The following ITGAM variants were observed in gnomAD, a reference collection of about 807,000 sequenced individuals.
ITGAM encodes the protein integrin alpha-M.
A neutral mutation model predicts 137.5 loss-of-function variants in ITGAM; 79 were observed. The ratio of observed to expected loss-of-function variants is 0.57; its 90% CI spans 0.48 to 0.69. The LOEUF (loss-of-function observed/expected upper bound fraction) is 0.69, where lower values mean the gene tolerates loss of function less well. Ranked by LOEUF, ITGAM falls within the 30% of genes least tolerant of loss-of-function variation. The probability of loss-of-function intolerance (pLI) is 0.00; values close to 1 mark genes in which losing one functional copy is unlikely to be tolerated. For missense variants in ITGAM, 1,343 were observed against 1,483.5 expected (o/e 0.91, Z 1.56); for synonymous variants, 583 against 592.3 (o/e 0.98, Z 0.23).
At chr16:31,267,926 G>A (rs2079788087) in intron 5 of ITGAM, among the ~76,000 whole-genome samples, 1 of 152,144 alleles carries the variant, frequency 6.6e-6, no homozygotes, top group African/African-American at 2.4e-5. Flanking sequence ...TCACAGGTGT[G>A]AGCCACTGCG....
intron 14 of ITGAM, among the ~76,000 whole-genome samples, chr16:31,312,767 C>T (rs377080349): frequency 5.9e-5 from 9 of 152,134 alleles, no homozygotes; most frequent in African/African-American, 2.2e-4. Flanking sequence ...GTGTTCATTC[C>T]CAGAGATCTT....
chr16:31,280,983 T>C (rs905955219), intron 12 of ITGAM, among the ~76,000 whole-genome samples: 1 of 152,102 alleles, frequency 6.6e-6, no homozygotes, highest in Non-Finnish European at 1.5e-5. Context: ...AATCACGTGG[T>C]TTTTGTCTTT....
intron 14 of ITGAM, among the ~76,000 whole-genome samples, chr16:31,307,257 T>C (rs934022370): frequency 2.0e-5 from 3 of 152,214 alleles, no homozygotes; most frequent in Non-Finnish European, 4.4e-5. Context: ...ATTTTCACAA[T>C]ATTGATTCTT....
chr16:31,270,137 G>GCTTTCCTTTC (rs796696322), intron 5 of ITGAM, among the ~76,000 whole-genome samples: 14,026 of 87,612 alleles, frequency 0.16, 1,287 homozygotes, highest in South Asian at 0.3. Context: ...TTCCTCCTTT[G>GCTTTCCTTTC]CTTTCCTTTC....
In ITGAM at chr16:31,324,305, C is replaced by A; in HGVS notation, c.2003-94C>A. Reference sequence around the variant, plus strand: ...AAGTCAGATAACATACCCCAAGTCACACAGCTGAGAAGCAGAGGAGCTGGG... The same window carrying A: ...AAGTCAGATAACATACCCCAAGTCAAACAGCTGAGAAGCAGAGGAGCTGGG... On this transcript the variant is annotated intron_variant, in intron 16 of 29. Transcript: ENST00000544665. This position sits in a 1 kb window ranked among gnomAD's most constrained non-coding sequence, Gnocchi z 4.5. 9.6e-7 allele frequency: 1 copy of A among 1,040,378 alleles called. No homozygotes were observed. The allele number at this position is 1,040,378 out of a possible 1,614,324, so 64.4% of individuals were successfully genotyped here.
At chr16:31,272,589 TTCTCCTGCC>T (rs2079863918) in intron 7 of ITGAM, among the ~76,000 whole-genome samples, 1 of 140,668 alleles carries the variant, frequency 7.1e-6, no homozygotes, top group African/African-American at 2.6e-5. Context: ...GTTCAAGCAA[TTCTCCTGCC>T]TCAGCCTCCT....
Position 31,324,065 on chromosome 16 carries a change from G to A in ITGAM, c.2003-334G>A, listed in dbSNP as rs564949816. Among the ~76,000 whole-genome samples, 11 of 139,524 alleles carry A rather than the reference G, an allele frequency of 7.9e-5. No homozygotes were observed. The East Asian group carries it at 2.3e-3, about 29-fold the overall frequency. The allele number at this position is 139,524 out of a possible 152,430, so 91.5% of individuals were successfully genotyped here. Reference sequence around the variant, plus strand: ...AGGAAGGAAGGAAGAAGGGAAGGAAGGAAAGGAAGGAAAGTAGGAAAGGAA... The same window carrying A: ...AGGAAGGAAGGAAGAAGGGAAGGAAAGAAAGGAAGGAAAGTAGGAAAGGAA... On this transcript the variant is annotated intron_variant, in intron 16 of 29. Transcript: ENST00000544665. The surrounding 1 kb of genome is among the most constrained non-coding windows in gnomAD (Gnocchi z 4.5).
At chr16:31,263,648 G>T (rs1596965805) in intron 2 of ITGAM, among the ~76,000 whole-genome samples, 1 of 143,998 alleles carries the variant, frequency 6.9e-6, no homozygotes, top group Non-Finnish European at 1.5e-5. Context: ...TTTCTTATCT[G>T]TTGGCCATTT....
chr16:31,317,117 A>G (rs898469532), intron 14 of ITGAM, among the ~76,000 whole-genome samples: 2 of 152,132 alleles, frequency 1.3e-5, no homozygotes, highest in Admixed American at 6.5e-5. Context: ...TGCTCTGGCT[A>G]GGACTTTCAG....
At chr16:31,282,127 C>G (rs982834714) in intron 12 of ITGAM, among the ~76,000 whole-genome samples, 3 of 152,124 alleles carry the variant, frequency 2.0e-5, no homozygotes, top group Non-Finnish European at 4.4e-5. Context: ...CTGAGGAGTG[C>G]TTTACTTCCA....
Position 31,325,546 on chromosome 16 carries a change from C to T in ITGAM, c.2552C>T (p.Ser851Phe), listed in dbSNP as rs1450132125. 6.2e-7 allele frequency: 1 copy of T among 1,613,984 alleles called. No homozygotes were observed. Among genetic ancestry groups the T allele is most frequent in the Non-Finnish European group, 8.5e-7 (1 of 1,179,898 alleles). ...TGGCGCCTGGCCTGTGAGTCTGCCTCCTCCACCGAAGTGTCTGGGGCCTTG... is the reference window on the plus strand; with the variant it reads ...TGGCGCCTGGCCTGTGAGTCTGCCTTCTCCACCGAAGTGTCTGGGGCCTTG... ...RSWRLACESASSTEVSGALKS... is the reference protein window; with the variant it reads ...RSWRLACESAFSTEVSGALKS... Residue 851 changes from serine to phenylalanine, a missense_variant, in exon 21 of 30, where the codon TCC (serine) becomes TTC (phenylalanine). Physicochemically the swap from Ser to Phe is radical, Grantham distance 155 (BLOSUM62 -2). Transcript: ENST00000544665.
In ITGAM at chr16:31,325,333, G is replaced by A. The variant is rs2080496791; in HGVS notation, c.2434G>A (p.Asp812Asn). Reference protein sequence around the residue: ...VTVTVRNDGEDSYRTQVTFFF... With the variant: ...VTVTVRNDGENSYRTQVTFFF... ...AGTGACTGTGAGAAATGATGGTGAG[G>A]ACTCCTACAGGACACAGGTCACCTT... is the stretch of plus-strand genomic sequence containing the variant. The change falls in exon 20 of 30, where the codon GAC becomes AAC. Residue 812 changes from aspartate to asparagine, a missense_variant. Transcript: ENST00000544665. 5.0e-6 allele frequency: 8 copies of A among 1,613,824 alleles called. No homozygotes were observed. The East Asian group carries it at 1.8e-4, about 36-fold the overall frequency.
chr16:31,261,959 T>C (rs1345569408), intron 2 of ITGAM, among the ~76,000 whole-genome samples, 162 bp downstream of exon 2: 1 of 152,166 alleles, frequency 6.6e-6, no homozygotes, highest in African/African-American at 2.4e-5. Context: ...ATTCAAAAGA[T>C]GCAAAAGGGT....
In ITGAM at chr16:31,324,527, T is replaced by C. The variant is rs1274583988; in HGVS notation, c.2131T>C (p.Cys711Arg). ...ACAGGTCTTGGGGCTGACCCAGACT[T>C]GTGAGACCCTGAAACTACAGTTGCC... The part of the protein sequence containing the change: ...QTQVLGLTQT[C>R]ETLKLQLPNC... The change falls in exon 17 of 30, where the codon TGT becomes CGT. Residue 711 changes from cysteine (C) to arginine (R), a missense_variant. By Grantham distance (180) the Cys-to-Arg change is radical (BLOSUM62 -3). Coordinates refer to ENST00000544665, the MANE Select transcript of ITGAM (RefSeq NM_000632.4). The surrounding 1 kb of genome is among the most constrained non-coding windows in gnomAD (Gnocchi z 4.5). The C allele has an allele frequency of 6.2e-7, 1 of 1,608,626 alleles. No homozygotes were observed. The highest frequency in any genetic ancestry group is 1.3e-5 in the African/African-American group (1 of 74,838).
intron 16 of ITGAM, among the ~76,000 whole-genome samples, 164 bp downstream of exon 16, chr16:31,321,791 G>T (rs2080454049): frequency 6.6e-6 from 1 of 152,204 alleles, no homozygotes; most frequent in Non-Finnish European, 1.5e-5. Context: ...GTCCTGCTGG[G>T]TAGGGAAGTC....
chr16:31,311,526 A>G lies in ITGAM; in HGVS notation c.1708-9715A>G, dbSNP rs372565706. On this transcript the variant is annotated intron_variant, in intron 14 of 29. Transcript: ENST00000544665. The stretch of plus-strand genomic sequence containing the variant: ...AGACATTTATGCAGCCAAAAGACAC[A>G]TGAAAAAATGCTCATCATTACTGGC... Among the ~76,000 whole-genome samples, 24 of 152,366 alleles carry G rather than the reference A, an allele frequency of 1.6e-4. No individual in the cohort carries two copies. In the East Asian group the frequency reaches 3.9e-3, roughly 24 times the overall value.
chr16:31,321,259 C>G lies in ITGAM; in HGVS notation c.1726C>G (p.Leu576Val). The change falls in exon 15 of 30, where the codon CTC becomes GTC. Residue 576 changes from leucine to valine, a missense_variant. Transcript: ENST00000544665. The stretch of plus-strand genomic sequence containing the variant: ...CCCTCAGCGGATAGCAGGCTCCAAG[C>G]TCTCTCCCAGGCTCCAGTATTTTGG... ...SHSQRIAGSK[L>V]SPRLQYFGQS... 6.2e-7 allele frequency: 1 copy of G among 1,613,966 alleles called. No individual in the cohort carries two copies. The highest frequency in any genetic ancestry group is 8.5e-7 in the Non-Finnish European group (1 of 1,179,870).
chr16:31,289,149 T>C (rs2080060327), intron 12 of ITGAM, among the ~76,000 whole-genome samples: 1 of 152,206 alleles, frequency 6.6e-6, no homozygotes, highest in South Asian at 2.1e-4. Context: ...ACTTTTACAC[T>C]GTTGGTGGGA....
Position 31,296,412 on chromosome 16 carries a change from C to T in ITGAM, c.1357-1102C>T, listed in dbSNP as rs375532121. Among the ~76,000 whole-genome samples the T allele has an allele frequency of 2.5e-4, 38 of 151,980 alleles. 1 individual carries two copies. The highest frequency in any genetic ancestry group is 6.8e-3 in the Middle Eastern group (2 of 294). On this transcript the variant is annotated intron_variant, in intron 12 of 29. Coordinates refer to ENST00000544665, the MANE Select transcript of ITGAM (RefSeq NM_000632.4). The stretch of plus-strand genomic sequence containing the variant: ...ACAGGCATGAGCCACTGCATCTGGC[C>T]GGTTATATGACTTTATATGTTTGTC...
Sources: gnomAD v4.1 joint callset for allele counts (sites outside exome capture counted in the v4.1 genomes callset) on GRCh38, gnomAD v4.1.1 for gene constraint, Gnocchi (gnomAD v3.1) non-coding constraint, MANE v1.5 for transcripts, NCBI Gene and HGNC (gene_info 2026-07-23, HGNC 2026-07-21) for gene names.